Variants in PARD3 observed in about 807,000 individuals in gnomAD.
PARD3 encodes the protein partitioning defective 3 homolog.
Under a neutral mutation model 155.4 loss-of-function variants are expected in PARD3, and 75 were observed. The ratio of observed to expected loss-of-function variants is 0.48; its 90% CI spans 0.40 to 0.58. The LOEUF is 0.58. Among genes scored for constraint, PARD3 ranks in the 20% least tolerant of loss-of-function variants. The pLI, the probability that PARD3 is intolerant of heterozygous loss-of-function variation, is 0.00. For missense variants in PARD3, 1,642 were observed against 1,721.7 expected (o/e 0.95, Z 0.82); for synonymous variants, 576 against 610.5 (o/e 0.94, Z 0.83).
At chr10:34,157,191 T>A (rs899020754) in intron 22 of PARD3, among the ~76,000 whole-genome samples, 1 of 152,212 alleles carries the variant, frequency 6.6e-6, no homozygotes, top group Non-Finnish European at 1.5e-5. Context: ...GGGCAGAAGA[T>A]CCTGGCTTGG....
chr10:34,676,128 G>C (rs1377101920), intron 2 of PARD3: 1 of 152,428 alleles, frequency 6.6e-6, no homozygotes. Flanking sequence ...CAGGGAAAAA[G>C]CATGGTCTCA....
At chr10:34,471,879 T>C (rs2078371367) in intron 3 of PARD3, among the ~76,000 whole-genome samples, 1 of 152,172 alleles carries the variant, frequency 6.6e-6, no homozygotes, top group Admixed American at 6.5e-5. Context: ...GCTTTAACCA[T>C]GAAGCAGTAA....
At chr10:34,663,639 C>T (rs980332908) in intron 2 of PARD3, among the ~76,000 whole-genome samples, 3 of 151,984 alleles carry the variant, frequency 2.0e-5, no homozygotes, top group South Asian at 2.1e-4. Flanking sequence ...TGATTTTAGA[C>T]GAAGATGGAG....
At chr10:34,203,265 A>G (rs1200311862) in intron 22 of PARD3, among the ~76,000 whole-genome samples, 1 of 152,198 alleles carries the variant, frequency 6.6e-6, no homozygotes, top group East Asian at 1.9e-4. Flanking sequence ...CTGAAGAATG[A>G]AGGCAAAATG....
chr10:34,732,246 C>G (rs1170916529), intron 1 of PARD3, among the ~76,000 whole-genome samples: 1 of 152,092 alleles, frequency 6.6e-6, no homozygotes, highest in Non-Finnish European at 1.5e-5. Flanking sequence ...TACAGCTAAG[C>G]CTCACAATGC....
rs1012618684 is a variant in PARD3 at position 34,384,135 on chromosome 10, A to T, written c.1010T>A (p.Phe337Tyr). The T allele has an allele frequency of 1.9e-6, 3 of 1,613,612 alleles. No homozygotes were observed. The highest frequency in any genetic ancestry group is 2.5e-6 in the Non-Finnish European group (3 of 1,179,938). ...INDGDLRNRR[F>Y]EQAQHMFRQA... ...GCAGCGAGCACACACTTACTGTTCA[A>T]ATCTTCTATTTCGAAGGTCGCCATC... Residue 337 changes from phenylalanine to tyrosine, a missense_variant, in exon 8 of 25, where the codon TTT (phenylalanine) becomes TAT (tyrosine). Physicochemically the swap from Phe to Tyr is conservative, Grantham distance 22. Coordinates refer to ENST00000374788, the MANE Select transcript of PARD3 (RefSeq NM_001184785.2).
chr10:34,332,915 T>G (rs1835769427), intron 18 of PARD3, among the ~76,000 whole-genome samples: 1 of 152,124 alleles, frequency 6.6e-6, no homozygotes, highest in South Asian at 2.1e-4. Context: ...AAAAATGAAT[T>G]TTGTTCCAAA....
At chr10:34,413,469 A>C (rs1004742159) in intron 5 of PARD3, among the ~76,000 whole-genome samples, 1 of 131,464 alleles carries the variant, frequency 7.6e-6, no homozygotes, top group Non-Finnish European at 1.7e-5. Flanking sequence ...TTTTCCACTT[A>C]TTTGAGAAAC....
At chr10:34,547,066 T>C (rs1221387983) in intron 2 of PARD3, among the ~76,000 whole-genome samples, 1 of 152,244 alleles carries the variant, frequency 6.6e-6, no homozygotes, top group Non-Finnish European at 1.5e-5. Flanking sequence ...GAAATTTGCC[T>C]AGACCACAAC....
At chr10:34,546,545 GT>G (rs1289546193) in intron 2 of PARD3, among the ~76,000 whole-genome samples, 6 of 115,142 alleles carry the variant, frequency 5.2e-5, no homozygotes, top group African/African-American at 1.0e-4. Flanking sequence ...TTTTGTTGTT[GT>G]TTTTTTTTGA....
chr10:34,198,482 G>A (rs12242683), intron 22 of PARD3, among the ~76,000 whole-genome samples: 4 of 148,376 alleles, frequency 2.7e-5, no homozygotes, highest in African/African-American at 1.0e-4. Context: ...GTGTGTGTGT[G>A]TGTGTATGTG....
chr10:34,624,001 C>T (rs2091850135), intron 2 of PARD3, among the ~76,000 whole-genome samples: 2 of 151,508 alleles, frequency 1.3e-5, no homozygotes, highest in South Asian at 4.2e-4. Flanking sequence ...AAAAAGTCAG[C>T]GCGCATGCAG....
chr10:34,542,234 T>TATGTGCAC (rs1554889668), intron 2 of PARD3, among the ~76,000 whole-genome samples: 1 of 146,198 alleles, frequency 6.8e-6, no homozygotes, highest in Non-Finnish European at 1.5e-5. Context: ...TGTGTGTGTG[T>TATGTGCAC]GTGTGCACAC....
At chr10:34,563,220 T>C (rs915583598) in intron 2 of PARD3, among the ~76,000 whole-genome samples, 3 of 152,204 alleles carry the variant, frequency 2.0e-5, no homozygotes, top group Non-Finnish European at 1.5e-5. Flanking sequence ...ATTATAAATG[T>C]AATATTTTGA....
rs74134105 is a variant in PARD3 at position 34,328,645 on chromosome 10, T to C, written c.2833+2472A>G. The stretch of plus-strand genomic sequence containing the variant: ...CTGACCAGAGATCACAACACACCAG[T>C]TGAAAGTCAATTATCTAGTCCAAAT... On this transcript the variant is annotated intron_variant, in intron 19 of 24. Transcript: ENST00000374788. 7.6e-3 allele frequency among the ~76,000 whole-genome samples: 1,151 copies of C among 152,268 alleles called. 13 individuals carry two copies. Among genetic ancestry groups the C allele is most frequent in the African/African-American group, 0.026 (1,097 of 41,548 alleles).
chr10:34,284,015 G>C, intron 21 of PARD3, 120 bp downstream of exon 21: 1 of 638,562 alleles, frequency 1.6e-6, no homozygotes, highest in Non-Finnish European at 2.7e-6. Flanking sequence ...TATTTGGGTT[G>C]ATACAGGAAA....
At chr10:34,789,225 G>A (rs1477450627) in intron 1 of PARD3, among the ~76,000 whole-genome samples, 1 of 151,156 alleles carries the variant, frequency 6.6e-6, no homozygotes, top group East Asian at 2.0e-4. Context: ...CCAGGAGGCC[G>A]AGGCCGCAGT....
chr10:34,647,199 C>T (rs1279614198), intron 2 of PARD3, among the ~76,000 whole-genome samples: 2 of 152,152 alleles, frequency 1.3e-5, no homozygotes, highest in South Asian at 4.1e-4. Context: ...TGTGAATAAC[C>T]TCACAATGTT....
At chr10:34,773,788 T>C (rs748950016) in intron 1 of PARD3, among the ~76,000 whole-genome samples, 1 of 152,226 alleles carries the variant, frequency 6.6e-6, no homozygotes, top group Non-Finnish European at 1.5e-5. Context: ...AAACATCCAC[T>C]AGGCACTTAA....
Sources: allele counts gnomAD v4.1 joint callset (sites outside exome capture counted in the v4.1 genomes callset), GRCh38; gene constraint gnomAD v4.1.1; transcripts MANE v1.5; gene names NCBI Gene and HGNC (gene_info 2026-07-23, HGNC 2026-07-21).